Variants in CNKSR2 observed in about 807,000 individuals in gnomAD.
CNKSR2 encodes the protein connector enhancer of kinase suppressor of Ras 2, also known as CNK homolog protein 2.
CNKSR2 carries 14 observed loss-of-function variants against 84.4 expected under a neutral mutation model. That is an observed-to-expected ratio of 0.17 (90% CI 0.11 to 0.26). CNKSR2 has a LOEUF of 0.26. Among genes scored for constraint, CNKSR2 ranks in the 10% least tolerant of loss-of-function variants. The pLI is 1.00. For missense variants in CNKSR2, 485 were observed against 771.2 expected, an observed-to-expected ratio of 0.63 and a Z score of 4.40; for synonymous variants, 275 against 277.9, an observed-to-expected ratio of 0.99 and a Z score of 0.10.
chrX:21,612,282 C>T (rs992407942), intron 20 of CNKSR2, among the ~76,000 whole-genome samples: 2 of 112,010 alleles, frequency 1.8e-5, no homozygotes, highest in African/African-American at 3.2e-5. Context: ...TACACGGAAA[C>T]GAAGCTGTGG....
chrX:21,494,086 G>A (rs1352908821), intron 6 of CNKSR2: 1 of 110,806 alleles, frequency 9.0e-6, no homozygotes. Context: ...ATAACTACTA[G>A]ATACTGTCTT....
At chrX:21,561,677 T>C (rs1321221209) in intron 12 of CNKSR2, 117 bp downstream of exon 12, 2 of 536,147 alleles carry the variant, frequency 3.7e-6, no homozygotes, top group Non-Finnish European at 6.1e-6. Flanking sequence ...ATTGACTTTA[T>C]TGTACAACAA....
chrX:21,525,923 A>G (rs1289238589), intron 9 of CNKSR2, among the ~76,000 whole-genome samples: 2 of 111,017 alleles, frequency 1.8e-5, no homozygotes, highest in African/African-American at 6.5e-5. Context: ...AATTGTATAC[A>G]TAGCTAATCA....
chrX:21,428,974 T>C (rs1226400420), intron 2 of CNKSR2: 1 of 112,444 alleles, frequency 8.9e-6, no homozygotes, highest in Admixed American at 9.4e-5. Flanking sequence ...GAACTCTGAA[T>C]AAAATGGCAT....
intron 11 of CNKSR2, among the ~76,000 whole-genome samples, chrX:21,536,856 T>TAGTTCTGC (rs2091932871): frequency 9.2e-6 from 1 of 108,204 alleles, no homozygotes; most frequent in South Asian, 3.9e-4. Context: ...CTCTTTCATT[T>TAGTTCTGC]AGTTCTGCTC....
chrX:21,564,785 A>C (rs769267107), intron 13 of CNKSR2, among the ~76,000 whole-genome samples: 2 of 109,390 alleles, frequency 1.8e-5, no homozygotes, highest in East Asian at 5.8e-4. Flanking sequence ...TGTTATTAGC[A>C]CTCCTAGGTG....
intron 1 of CNKSR2, among the ~76,000 whole-genome samples, chrX:21,415,845 C>T (rs1184800259): frequency 9.9e-6 from 1 of 100,633 alleles, no homozygotes; most frequent in East Asian, 3.0e-4. Flanking sequence ...CACACACACA[C>T]ACACACACAC....
chrX:21,528,853 C>T, intron 10 of CNKSR2, among the ~76,000 whole-genome samples: 1 of 111,059 alleles, frequency 9.0e-6, no homozygotes, highest in Non-Finnish European at 1.9e-5. Context: ...CAGGACAATC[C>T]ATGCATCAAA....
chrX:21,463,760 G>A (rs1481438550), intron 4 of CNKSR2, among the ~76,000 whole-genome samples: 2 of 111,047 alleles, frequency 1.8e-5, no homozygotes, highest in Non-Finnish European at 3.8e-5. Flanking sequence ...GCTAGGGCCT[G>A]GAAAGGGGGC....
At chrX:21,576,739 G>T (rs1168841996) in intron 13 of CNKSR2, among the ~76,000 whole-genome samples, 2 of 111,601 alleles carry the variant, frequency 1.8e-5, no homozygotes, top group Non-Finnish European at 3.8e-5. Context: ...AAGTTTATCA[G>T]TTCAGATGAA....
chrX:21,509,349 T>C (rs1196420552), intron 8 of CNKSR2, among the ~76,000 whole-genome samples: 2 of 111,968 alleles, frequency 1.8e-5, no homozygotes, highest in African/African-American at 3.2e-5. Flanking sequence ...CATTAAATTG[T>C]CGGCTTTTTT....
chrX:21,515,512 G>A (rs1164219627), intron 8 of CNKSR2, among the ~76,000 whole-genome samples: 2 of 110,846 alleles, frequency 1.8e-5, no homozygotes, highest in African/African-American at 3.3e-5. Flanking sequence ...ATCCATTAGG[G>A]TTTGGGATAA....
intron 8 of CNKSR2, among the ~76,000 whole-genome samples, chrX:21,510,791 G>A (rs1394726013): frequency 4.5e-5 from 5 of 111,880 alleles, no homozygotes; most frequent in Non-Finnish European, 9.4e-5. Flanking sequence ...TTTATGTTGT[G>A]TGTAAAATAC....
intron 4 of CNKSR2, among the ~76,000 whole-genome samples, chrX:21,442,820 T>C (rs772944428): frequency 6.7e-4 from 75 of 111,564 alleles, no homozygotes; most frequent in Non-Finnish European, 1.2e-3. Context: ...TGTGCAGCTA[T>C]AAAAAAGAAT....
intron 20 of CNKSR2, among the ~76,000 whole-genome samples, chrX:21,628,700 G>A (rs1375623122): frequency 4.5e-5 from 5 of 111,161 alleles, no homozygotes; most frequent in Non-Finnish European, 9.4e-5. Context: ...CGCCACACCT[G>A]TAGACTGCAC....
At chrX:21,568,576 G>A (rs918193930) in intron 13 of CNKSR2, among the ~76,000 whole-genome samples, 1 of 111,291 alleles carries the variant, frequency 9.0e-6, no homozygotes, top group East Asian at 2.8e-4. Context: ...CAGCCACTCT[G>A]GCCAATTTGT....
chrX:21,484,856 G>T (rs977369698), intron 5 of CNKSR2, among the ~76,000 whole-genome samples: 1 of 111,607 alleles, frequency 9.0e-6, no homozygotes, highest in Non-Finnish European at 1.9e-5. Flanking sequence ...ACCACTGTTT[G>T]CACTTAGAAC....
intron 14 of CNKSR2, 113 bp from the exon 15 acceptor site, chrX:21,590,909 C>A: frequency 1.6e-6 from 1 of 640,657 alleles, no homozygotes; most frequent in Non-Finnish European, 2.4e-6. Flanking sequence ...TAGTCTAATA[C>A]AATATAAAAA....
At chrX:21,436,808 G>A in intron 3 of CNKSR2, among the ~76,000 whole-genome samples, 1 of 111,086 alleles carries the variant, frequency 9.0e-6, no homozygotes, top group Non-Finnish European at 1.9e-5. Flanking sequence ...ATTAAGTCAT[G>A]ACTGAGTGAT....
Sources: gnomAD v4.1 joint callset for allele counts (sites outside exome capture counted in the v4.1 genomes callset) on GRCh38, gnomAD v4.1.1 for gene constraint, MANE v1.5 for transcripts, NCBI Gene and HGNC (gene_info 2026-07-23, HGNC 2026-07-21) for gene names.